OR52E5: variants seen among roughly 807,000 people sequenced by gnomAD.
The protein encoded by OR52E5 is olfactory receptor family 52 subfamily E member 5, also known as olfactory receptor 52E5.
At chr11:5,894,907 A>G (rs1368564897) in intron 1 of OR52E5, among the ~76,000 whole-genome samples, 4 of 152,214 alleles carry the variant, frequency 2.6e-5, no homozygotes, top group Non-Finnish European at 5.9e-5. Context: ...TTTTGCCCCA[A>G]TAAAATTTAA....
intron 1 of OR52E5, among the ~76,000 whole-genome samples, chr11:5,893,754 T>C (rs970899307): frequency 2.0e-5 from 3 of 152,096 alleles, no homozygotes; most frequent in Non-Finnish European, 2.9e-5. Context: ...TCTGAGGTCA[T>C]GTCGCATCAC....
intron 2 of OR52E5, among the ~76,000 whole-genome samples, chr11:5,897,645 C>T (rs965704871): frequency 3.3e-5 from 5 of 152,098 alleles, no homozygotes; most frequent in African/African-American, 9.7e-5. Flanking sequence ...TATCCAATAG[C>T]GGGATTCCTA....
intron 1 of OR52E5, among the ~76,000 whole-genome samples, chr11:5,893,814 A>AC (rs1455484882): frequency 6.6e-6 from 1 of 152,134 alleles, no homozygotes; most frequent in African/African-American, 2.4e-5. Flanking sequence ...TACAAAAAAA[A>AC]TAAAAAAGGC....
Position 5,901,397 on chromosome 11 carries a change from C to G in OR52E5, c.621C>G (p.Tyr207Ter). ...IYGLIAFSVG[Y>*]IDISVIGFSY... ...GATTGATTGCCTTCTCAGTGGGATA[C>G]ATTGACATTTCTGTGATTGGATTTT... Residue 207 changes from tyrosine (Y) to a stop codon, truncating the protein, a stop_gained, in exon 3 of 3, where the codon TAC (tyrosine) becomes TAG (stop). Coordinates refer to ENST00000610445, the MANE Select transcript of OR52E5 (RefSeq NM_001005166.5). LOFTEE classifies it low-confidence loss of function (END_TRUNC). 4 of 401,550 alleles carry G rather than the reference C, an allele frequency of 1.0e-5. No individual in the cohort carries two copies. Among genetic ancestry groups the G allele is most frequent in the Non-Finnish European group, 1.8e-5 (4 of 226,326 alleles). The allele number at this position is 401,550 out of a possible 1,614,324, so 24.9% of individuals were successfully genotyped here.
chr11:5,896,366 A>G (rs1590402298), intron 2 of OR52E5, among the ~76,000 whole-genome samples: 1 of 148,676 alleles, frequency 6.7e-6, no homozygotes, highest in Non-Finnish European at 1.5e-5. Context: ...GCTTGCAGTG[A>G]GCTGAGATAG....
At chr11:5,893,978 TC>T (rs1217737911) in intron 1 of OR52E5, among the ~76,000 whole-genome samples, 1 of 152,142 alleles carries the variant, frequency 6.6e-6, no homozygotes, top group Non-Finnish European at 1.5e-5. Context: ...AAGCATATTT[TC>T]CCAGAGCCTT....
chr11:5,900,054 A>G (rs1847228166), intron 2 of OR52E5, among the ~76,000 whole-genome samples: 1 of 152,180 alleles, frequency 6.6e-6, no homozygotes, highest in Non-Finnish European at 1.5e-5. Flanking sequence ...GAAGACAGAA[A>G]AGATCATAAA....
Position 5,901,857 on chromosome 11 carries a change from A to T in OR52E5, c.*97A>T, listed in dbSNP as rs1488700307. ...AGCATTATATCCCCTACAACGTCTC[A>T]TGATTTCAGTACGGTCTGTTGGAAG... On this transcript the variant is annotated 3_prime_UTR_variant, in exon 3 of 3. Coordinates refer to ENST00000610445, the MANE Select transcript of OR52E5 (RefSeq NM_001005166.5). The T allele has an allele frequency of 2.5e-6, 1 of 399,102 alleles. No individual in the cohort carries two copies. Among genetic ancestry groups the T allele is most frequent in the Non-Finnish European group, 4.4e-6 (1 of 225,650 alleles). The allele number at this position is 399,102 out of a possible 1,614,324, so 24.7% of individuals were successfully genotyped here.
intron 1 of OR52E5, among the ~76,000 whole-genome samples, chr11:5,895,195 A>T (rs117322253): frequency 0.022 from 3,357 of 152,302 alleles, 40 homozygotes; most frequent in Middle Eastern, 0.058. Flanking sequence ...GTCCTACACC[A>T]AAATTACTTT....
chr11:5,894,872 A>G (rs1847152480), intron 1 of OR52E5, among the ~76,000 whole-genome samples: 1 of 152,168 alleles, frequency 6.6e-6, no homozygotes, highest in Non-Finnish European at 1.5e-5. Flanking sequence ...GCAGCCACAG[A>G]CAATACATAA....
At chr11:5,896,068 A>G (rs1300546179) in intron 2 of OR52E5, among the ~76,000 whole-genome samples, 1 of 151,806 alleles carries the variant, frequency 6.6e-6, no homozygotes, top group African/African-American at 2.4e-5. Context: ...AAAGAAAAAG[A>G]AAGAAAAGAA....
chr11:5,901,229 T>C lies in OR52E5; in HGVS notation c.453T>C (p.Ile151=). 2.5e-6 allele frequency: 1 copy of C among 400,372 alleles called. No individual in the cohort carries two copies. Among genetic ancestry groups the C allele is most frequent in the Admixed American group, 4.4e-5 (1 of 22,690 alleles). The allele number at this position is 400,372 out of a possible 1,614,324, so 24.8% of individuals were successfully genotyped here. A position where few individuals can be genotyped will look rare whatever the true frequency, so the allele number is the denominator to read the frequency against. The change falls in exon 3 of 3, where the codon ATT becomes ATC. Residue 151 remains isoleucine, a synonymous_variant. Coordinates refer to ENST00000610445, the MANE Select transcript of OR52E5 (RefSeq NM_001005166.5). ...KVIAILGIVI[I]VRTLVFVTPF... ...TAGCCATTCTGGGCATAGTCATCAT[T>C]GTCAGGACTTTGGTATTTGTGACTC...
intron 2 of OR52E5, among the ~76,000 whole-genome samples, 153 bp downstream of exon 2, chr11:5,895,866 C>T (rs764762381): frequency 1.7e-4 from 26 of 152,080 alleles, no homozygotes; most frequent in Non-Finnish European, 3.5e-4. Context: ...AGTTCAAGGC[C>T]AGCCTGGCCT....
chr11:5,893,341 T>A (rs1416811126), intron 1 of OR52E5, 71 bp downstream of exon 1: 1 of 152,166 alleles, frequency 6.6e-6, no homozygotes, highest in African/African-American at 2.4e-5. Flanking sequence ...ATTTGTGGGA[T>A]GATGGAGCTC....
rs565324893 is a variant in OR52E5 at position 5,902,224 on chromosome 11, T to A, written c.*464T>A. ...TGACCTGAGCATTTCACTTAGACTCTTTGAGTTCACAATAACAAATTCATA... is the reference window on the plus strand; with the variant it reads ...TGACCTGAGCATTTCACTTAGACTCATTGAGTTCACAATAACAAATTCATA... On this transcript the variant is annotated 3_prime_UTR_variant, in exon 3 of 3. Coordinates refer to ENST00000610445, the MANE Select transcript of OR52E5 (RefSeq NM_001005166.5). 1 of 153,506 alleles carries A rather than the reference T, an allele frequency of 6.5e-6. No individual in the cohort carries two copies. The highest frequency in any genetic ancestry group is 2.4e-5 in the African/African-American group (1 of 41,632). The allele number at this position is 153,506 out of a possible 1,614,324, so 9.5% of individuals were successfully genotyped here. A position where few individuals can be genotyped will look rare whatever the true frequency, so the allele number is the denominator to read the frequency against.
intron 2 of OR52E5, among the ~76,000 whole-genome samples, chr11:5,896,616 C>A (rs1348392342): frequency 1.3e-5 from 2 of 151,858 alleles, no homozygotes; most frequent in African/African-American, 4.8e-5. Flanking sequence ...TCTCCTTCTC[C>A]CTATTGAAAG....
Position 5,901,870 on chromosome 11 carries a change from G to C in OR52E5, c.*110G>C, listed in dbSNP as rs1057047590. On this transcript the variant is annotated 3_prime_UTR_variant, in exon 3 of 3. Coordinates refer to ENST00000610445, the MANE Select transcript of OR52E5 (RefSeq NM_001005166.5). ...CTACAACGTCTCATGATTTCAGTAC[G>C]GTCTGTTGGAAGTTATAGCTCAAAG... The C allele has an allele frequency of 5.0e-6, 2 of 398,856 alleles. No homozygotes were observed. The highest frequency in any genetic ancestry group is 2.8e-4 in the South Asian group (2 of 7,088). 24.7% of individuals were successfully genotyped at this position (398,856 alleles called of 1,614,324 possible).
rs1413276447 is a variant in OR52E5, at chr11:5,900,650, T to C, written c.-127T>C. ...TCTCTAGGTCTCTTATGCTATATTA[T>C]GGAGTTAAAGAATGGATTTTCTGTT... On this transcript the variant is annotated 5_prime_UTR_variant, in exon 3 of 3. The change abolishes an upstream ATG in the 5' untranslated region. Coordinates refer to ENST00000610445, the MANE Select transcript of OR52E5 (RefSeq NM_001005166.5). 1.0e-5 allele frequency: 4 copies of C among 396,980 alleles called. No individual in the cohort carries two copies. Among genetic ancestry groups the C allele is most frequent in the African/African-American group, 2.1e-5 (1 of 48,578 alleles). The allele number at this position is 396,980 out of a possible 1,614,324, so 24.6% of individuals were successfully genotyped here.
Position 5,901,067 on chromosome 11 carries a change from T to G in OR52E5, c.291T>G (p.Gly97=). 2.5e-6 allele frequency: 1 copy of G among 401,746 alleles called. No homozygotes were observed. Among genetic ancestry groups the G allele is most frequent in the Non-Finnish European group, 4.4e-6 (1 of 226,328 alleles). The allele number at this position is 401,746 out of a possible 1,614,324, so 24.9% of individuals were successfully genotyped here. A position where few individuals can be genotyped will look rare whatever the true frequency, so the allele number is the denominator to read the frequency against. ...FWFNLGEIAF[G]ACITQMYTIH... ...TTAATCTTGGAGAGATTGCATTTGG[T>G]GCCTGCATCACACAGATGTATACCA... The change falls in exon 3 of 3, where the codon GGT becomes GGG. Residue 97 remains glycine (G), a synonymous_variant. Coordinates refer to ENST00000610445, the MANE Select transcript of OR52E5 (RefSeq NM_001005166.5).
Sources: gnomAD v4.1 joint callset for allele counts (sites outside exome capture counted in the v4.1 genomes callset) on GRCh38, gnomAD v4.1.1 for gene constraint, MANE v1.5 for transcripts, NCBI Gene and HGNC (gene_info 2026-07-23, HGNC 2026-07-21) for gene names.